The following BTBD9 variants were observed in gnomAD, a reference collection of about 807,000 sequenced individuals.
The protein encoded by BTBD9 is BTB domain containing 9, also known as BTB/POZ domain-containing protein 9.
BTBD9 carries 49 observed loss-of-function variants against 64.3 expected under a neutral mutation model. The observed-to-expected ratio is 0.76, with a 90% CI of 0.61 to 0.97. BTBD9 has a LOEUF of 0.97. Among genes scored for constraint, BTBD9 ranks in the 50% least tolerant of loss-of-function variants. BTBD9 has a pLI of 0.00. For missense variants in BTBD9, 598 were observed against 762.1 expected (o/e 0.78, Z 2.53); for synonymous variants, 260 against 274.7 (o/e 0.95, Z 0.53).
chr6:38,190,092 G>A (rs910010913), intron 10 of BTBD9, among the ~76,000 whole-genome samples: 3 of 151,926 alleles, frequency 2.0e-5, no homozygotes, highest in Non-Finnish European at 4.4e-5. Flanking sequence ...GATTACAGGC[G>A]TGAGCCAATG....
chr6:38,608,609 T>C (rs1020874249), intron 1 of BTBD9, among the ~76,000 whole-genome samples: 2 of 152,246 alleles, frequency 1.3e-5, no homozygotes. Flanking sequence ...ACTGTCTGTG[T>C]AAAGGAAATT....
chr6:38,592,991 C>T (rs1407010968), intron 3 of BTBD9, 151 bp from the exon 4 acceptor site: 1 of 762,530 alleles, frequency 1.3e-6, no homozygotes, highest in African/African-American at 1.8e-5. Flanking sequence ...TATTCTCCTA[C>T]TCATTATGGC....
intron 1 of BTBD9, among the ~76,000 whole-genome samples, chr6:38,605,933 A>C (rs7750997): frequency 0.076 from 11,641 of 152,228 alleles, 1,024 homozygotes; most frequent in East Asian, 0.23. Flanking sequence ...GGACTAAGAG[A>C]GGCAGACCTA....
intron 7 of BTBD9, among the ~76,000 whole-genome samples, chr6:38,317,430 T>C (rs1763068213): frequency 6.6e-6 from 1 of 152,224 alleles, no homozygotes; most frequent in Non-Finnish European, 1.5e-5. Context: ...GGATCCTTTT[T>C]TTTTATCCCT....
chr6:38,224,344 G>A (rs1470608364), intron 9 of BTBD9, among the ~76,000 whole-genome samples: 1 of 152,150 alleles, frequency 6.6e-6, no homozygotes, highest in Non-Finnish European at 1.5e-5. Context: ...GTTGGCAAGC[G>A]CCTGGCCTGA....
At chr6:38,180,085 C>G (rs184515567) in intron 10 of BTBD9, among the ~76,000 whole-genome samples, 204 of 152,356 alleles carry the variant, frequency 1.3e-3, no homozygotes, top group Non-Finnish European at 1.9e-3. Flanking sequence ...ACTGTGTAAG[C>G]CAATACCCAG....
intron 1 of BTBD9, among the ~76,000 whole-genome samples, chr6:38,611,408 A>T (rs1777613749): frequency 6.6e-6 from 1 of 152,204 alleles, no homozygotes; most frequent in African/African-American, 2.4e-5. Context: ...GAAATTACTA[A>T]AGAAATATTT....
At chr6:38,304,407 A>G (rs958677557) in intron 7 of BTBD9, among the ~76,000 whole-genome samples, 10 of 152,080 alleles carry the variant, frequency 6.6e-5, no homozygotes, top group African/African-American at 2.4e-4. Context: ...TTAGCCAGGC[A>G]TGGTGGCGGT....
chr6:38,602,567 T>C (rs538129269), intron 1 of BTBD9, among the ~76,000 whole-genome samples: 4 of 152,206 alleles, frequency 2.6e-5, no homozygotes, highest in South Asian at 4.2e-4. Flanking sequence ...ACTGGGGCTG[T>C]TGGAAAATTT....
chr6:38,514,635 A>G (rs1772929387), intron 6 of BTBD9, among the ~76,000 whole-genome samples: 2 of 152,228 alleles, frequency 1.3e-5, no homozygotes, highest in Non-Finnish European at 2.9e-5. Flanking sequence ...CCAACCACTC[A>G]TTAAAGGTTA....
chr6:38,626,963 G>A (rs1008084232), intron 1 of BTBD9, among the ~76,000 whole-genome samples: 6 of 152,150 alleles, frequency 3.9e-5, no homozygotes, highest in Admixed American at 1.3e-4. Flanking sequence ...GAAATAAATG[G>A]CACACAATTA....
At chr6:38,562,931 G>GT (rs1429944789) in intron 6 of BTBD9, among the ~76,000 whole-genome samples, 1 of 152,048 alleles carries the variant, frequency 6.6e-6, no homozygotes, top group Non-Finnish European at 1.5e-5. Context: ...CACCACTACT[G>GT]TATCAGTAAA....
At chr6:38,530,896 G>A (rs35509063) in intron 6 of BTBD9, among the ~76,000 whole-genome samples, 28,237 of 151,980 alleles carry the variant, frequency 0.19, 2,670 homozygotes, top group East Asian at 0.27. Context: ...AGAATTAAGT[G>A]AGCTTGAAAA....
chr6:38,452,738 G>A (rs983598379), intron 6 of BTBD9, among the ~76,000 whole-genome samples: 1 of 152,012 alleles, frequency 6.6e-6, no homozygotes, highest in Non-Finnish European at 1.5e-5. Context: ...GTAAAACAAG[G>A]GGAGAAAAAT....
At position 38,322,586 on chromosome 6, in the gene BTBD9, G is replaced by C. The variant is rs185941104; in HGVS notation, c.1264+22398C>G. On this transcript the variant is annotated intron_variant, in intron 7 of 10. Transcript: ENST00000481247. ...CCAACTGGTAGTAAAAAGGTACAGAGGGTACAGTGAGGAATAATTAGGTCT... is the reference window on the plus strand; with the variant it reads ...CCAACTGGTAGTAAAAAGGTACAGACGGTACAGTGAGGAATAATTAGGTCT... 4.3e-4 allele frequency among the ~76,000 whole-genome samples: 65 copies of C among 152,192 alleles called. 1 individual carries two copies. Among genetic ancestry groups the C allele is most frequent in the Non-Finnish European group, 6.2e-4 (42 of 68,042 alleles).
intron 6 of BTBD9, among the ~76,000 whole-genome samples, chr6:38,538,173 C>T (rs1252814485): frequency 6.6e-6 from 1 of 152,136 alleles, no homozygotes; most frequent in Non-Finnish European, 1.5e-5. Context: ...TACTGAAGTA[C>T]TAATTTGTCA....
At chr6:38,494,780 C>A (rs1331511063) in intron 6 of BTBD9, among the ~76,000 whole-genome samples, 1 of 152,194 alleles carries the variant, frequency 6.6e-6, no homozygotes, top group African/African-American at 2.4e-5. Context: ...TTGCAGATTA[C>A]CAGAAAAGCT....
intron 7 of BTBD9, among the ~76,000 whole-genome samples, chr6:38,295,148 C>A (rs1762110681): frequency 6.6e-6 from 1 of 151,824 alleles, no homozygotes; most frequent in Non-Finnish European, 1.5e-5. Context: ...ATGCTTTTCC[C>A]TTTTCAAAAA....
At chr6:38,471,023 C>T (rs1333294631) in intron 6 of BTBD9, among the ~76,000 whole-genome samples, 5 of 152,256 alleles carry the variant, frequency 3.3e-5, no homozygotes, top group Admixed American at 1.3e-4. Context: ...AAATCTCCAT[C>T]GCAAGATGAT....
Sources: allele counts gnomAD v4.1 joint callset (sites outside exome capture counted in the v4.1 genomes callset), GRCh38; gene constraint gnomAD v4.1.1; transcripts MANE v1.5; gene names NCBI Gene and HGNC (gene_info 2026-07-23, HGNC 2026-07-21).